Variants in TNIK observed in about 807,000 individuals in gnomAD.
The protein encoded by TNIK is TRAF2 and NCK-interacting protein kinase.
Under a neutral mutation model 191.3 loss-of-function variants are expected in TNIK, and 49 were observed. That is an observed-to-expected ratio of 0.26 (90% CI 0.20 to 0.32). The LOEUF (loss-of-function observed/expected upper bound fraction) is 0.32. Among genes scored for constraint, TNIK ranks in the 10% least tolerant of loss-of-function variants. TNIK has a pLI of 1.00. For missense variants in TNIK, 1,155 were observed against 1,702.3 expected, an observed-to-expected ratio of 0.68 and a Z score of 5.66; for synonymous variants, 594 against 600.9, an observed-to-expected ratio of 0.99 and a Z score of 0.17.
chr3:171,231,325 T>TG (rs976490710), intron 2 of TNIK, among the ~76,000 whole-genome samples: 8 of 152,048 alleles, frequency 5.3e-5, no homozygotes, highest in African/African-American at 1.9e-4. Context: ...TTGTTTTTTT[T>TG]TTTGTTTTTT....
At position 171,162,703 on chromosome 3, in the gene TNIK, A is replaced by G. The variant is rs182771766; in HGVS notation, c.950-1367T>C. Among the ~76,000 whole-genome samples the G allele has an allele frequency of 2.6e-4, 40 of 152,328 alleles. 1 individual carries two copies. The highest frequency in any genetic ancestry group is 2.4e-3 in the Admixed American group (36 of 15,298). ...TACTCTGTTCTCTCATTTATTTTTC[A>G]TAATAACCCTCCAAATTAGTGTCTA... On this transcript the variant is annotated intron_variant, in intron 10 of 32. Transcript: ENST00000436636.
At position 171,084,302 on chromosome 3, in the gene TNIK, TAAG is replaced by T. The variant is rs752008716; in HGVS notation, c.3019_3021del (p.Leu1007del). The T allele has an allele frequency of 1.2e-6, 2 of 1,613,260 alleles. No homozygotes were observed. Among genetic ancestry groups the T allele is most frequent in the Non-Finnish European group, 1.7e-6 (2 of 1,179,466 alleles). ...TCATTGAGTTTGGCCTGTTCTTGCC[TAAG>T]AAGTTCGCTAGTAAACAGAGCTTTG... On this transcript the variant is annotated inframe_deletion, in exon 26 of 33. Transcript: ENST00000436636.
intron 12 of TNIK, among the ~76,000 whole-genome samples, chr3:171,151,361 A>G (rs1732412909): frequency 6.6e-6 from 1 of 152,238 alleles, no homozygotes; most frequent in South Asian, 2.1e-4. Flanking sequence ...ATTTACATTT[A>G]TTTTAATAAA....
intron 18 of TNIK, among the ~76,000 whole-genome samples, chr3:171,122,853 C>G (rs1473142375): frequency 6.6e-6 from 1 of 152,150 alleles, no homozygotes; most frequent in Non-Finnish European, 1.5e-5. Context: ...GCTTGATGAA[C>G]TATAACAGCA....
chr3:171,393,339 C>G (rs989236384), intron 1 of TNIK, among the ~76,000 whole-genome samples: 1 of 152,170 alleles, frequency 6.6e-6, no homozygotes, highest in African/African-American at 2.4e-5. Context: ...AGGGGGAAAA[C>G]AGACAAGAAA....
chr3:171,322,741 A>G (rs556160463), intron 2 of TNIK, among the ~76,000 whole-genome samples: 1 of 152,264 alleles, frequency 6.6e-6, no homozygotes, highest in East Asian at 1.9e-4. Context: ...CAGGAAAGCT[A>G]TAAGGCTGAT....
At chr3:171,246,377 A>G (rs1008810733) in intron 2 of TNIK, among the ~76,000 whole-genome samples, 1 of 152,196 alleles carries the variant, frequency 6.6e-6, no homozygotes, top group African/African-American at 2.4e-5. Flanking sequence ...AATAATAGAT[A>G]GTCTGTAAGA....
intron 4 of TNIK, among the ~76,000 whole-genome samples, chr3:171,200,077 C>G (rs1488483148): frequency 6.6e-6 from 1 of 152,146 alleles, no homozygotes; most frequent in Admixed American, 6.5e-5. Context: ...ACATTTGTAC[C>G]ACACAGCAAG....
chr3:171,149,941 C>T (rs774847327), intron 12 of TNIK, among the ~76,000 whole-genome samples: 2 of 152,226 alleles, frequency 1.3e-5, no homozygotes, highest in African/African-American at 2.4e-5. Context: ...GACCACTTCT[C>T]AGCAGTGCTG....
At chr3:171,458,197 C>T (rs1167797945) in intron 1 of TNIK, among the ~76,000 whole-genome samples, 1 of 138,622 alleles carries the variant, frequency 7.2e-6, no homozygotes, top group Non-Finnish European at 1.6e-5. Flanking sequence ...CACCCCCAGT[C>T]GGGGCCATCC....
At chr3:171,179,074 G>A (rs2108793112) in intron 7 of TNIK, among the ~76,000 whole-genome samples, 1 of 152,232 alleles carries the variant, frequency 6.6e-6, no homozygotes, top group South Asian at 2.1e-4. Flanking sequence ...GGGCACATGT[G>A]TAACCTCACA....
intron 2 of TNIK, among the ~76,000 whole-genome samples, chr3:171,257,697 G>A (rs1365377834): frequency 3.9e-5 from 6 of 152,094 alleles, no homozygotes; most frequent in Admixed American, 3.3e-4. Flanking sequence ...AGCACTGTCC[G>A]CCAAGATCCC....
At chr3:171,257,299 A>G (rs1747001720) in intron 2 of TNIK, among the ~76,000 whole-genome samples, 1 of 152,194 alleles carries the variant, frequency 6.6e-6, no homozygotes, top group African/African-American at 2.4e-5. Context: ...GTAACTGGCC[A>G]TCATGGCAGC....
Position 171,318,860 on chromosome 3 carries a change from A to C in TNIK, c.123+50760T>G, listed in dbSNP as rs7616860. ...GAGTGCAAAAGAAAATTTATCCTAG[A>C]CTTAGTATTAAAAATTACATGCCGG... On this transcript the variant is annotated intron_variant, in intron 2 of 32. Coordinates refer to ENST00000436636, the MANE Select transcript of TNIK (RefSeq NM_015028.4). 9.4e-3 allele frequency among the ~76,000 whole-genome samples: 1,430 copies of C among 152,214 alleles called. 34 individuals carry two copies. The highest frequency in any genetic ancestry group is 0.033 in the African/African-American group (1,361 of 41,542).
intron 2 of TNIK, among the ~76,000 whole-genome samples, chr3:171,299,649 T>C (rs1752685906): frequency 6.6e-6 from 1 of 152,218 alleles, no homozygotes. Flanking sequence ...CTTTCTGATT[T>C]GAAGTTGGAG....
In TNIK at chr3:171,066,346, A is replaced by C; in HGVS notation, c.3860-20T>G. On this transcript the variant is annotated intron_variant, in intron 31 of 32. Transcript: ENST00000436636. ...TGTAGGCTGTCAAAAGGAATTTCCA[A>C]AACTGCATTAAAAACATTAGATGGG... 1 of 1,613,482 alleles carries C rather than the reference A, an allele frequency of 6.2e-7. No individual in the cohort carries two copies. The highest frequency in any genetic ancestry group is 8.5e-7 in the Non-Finnish European group (1 of 1,179,686).
intron 2 of TNIK, among the ~76,000 whole-genome samples, chr3:171,230,399 G>A (rs1363068237): frequency 6.6e-6 from 1 of 152,008 alleles, no homozygotes; most frequent in Non-Finnish European, 1.5e-5. Flanking sequence ...AAATACAGAG[G>A]GTCTGTCTGA....
chr3:171,085,630 C>T (rs535106925), intron 24 of TNIK, among the ~76,000 whole-genome samples: 1 of 152,148 alleles, frequency 6.6e-6, no homozygotes, highest in Non-Finnish European at 1.5e-5. Flanking sequence ...GAAGCCTATA[C>T]AGCAGTACTT....
intron 2 of TNIK, among the ~76,000 whole-genome samples, chr3:171,315,660 G>GT (rs1754521414): frequency 6.6e-6 from 1 of 152,136 alleles, no homozygotes; most frequent in Admixed American, 6.6e-5. Flanking sequence ...AGAAGAAACA[G>GT]TTCCATGCCT....
Sources: allele counts gnomAD v4.1 joint callset (sites outside exome capture counted in the v4.1 genomes callset), GRCh38; gene constraint gnomAD v4.1.1; transcripts MANE v1.5; gene names NCBI Gene and HGNC (gene_info 2026-07-23, HGNC 2026-07-21).